CLPB: variants seen among roughly 807,000 people sequenced by gnomAD.
CLPB encodes the protein ClpB family mitochondrial disaggregase, also known as mitochondrial disaggregase.
A neutral mutation model predicts 78.4 loss-of-function variants in CLPB; 40 were observed. That is an observed-to-expected ratio of 0.51 (90% CI 0.40 to 0.66). CLPB has a LOEUF of 0.66. Among genes scored for constraint, CLPB ranks in the 30% least tolerant of loss-of-function variants. The probability of loss-of-function intolerance (pLI) is 0.00; values close to 1 mark genes in which losing one functional copy is unlikely to be tolerated. For synonymous variants in CLPB, 333 were observed against 348.0 expected (o/e 0.96, Z 0.48); for missense variants, 780 against 886.9 (o/e 0.88, Z 1.53).
chr11:72,385,075 C>T (rs1322395004), intron 3 of CLPB, among the ~76,000 whole-genome samples: 1 of 152,178 alleles, frequency 6.6e-6, no homozygotes, highest in Non-Finnish European at 1.5e-5. Flanking sequence ...ACATTCCATC[C>T]AACAGCAGTA....
intron 1 of CLPB, among the ~76,000 whole-genome samples, chr11:72,432,909 G>A (rs1016206890): frequency 1.9e-4 from 29 of 152,154 alleles, no homozygotes; most frequent in African/African-American, 7.0e-4. Flanking sequence ...GGGGTGCATG[G>A]AATCTATGGA....
At chr11:72,417,409 T>C (rs1305633991) in intron 2 of CLPB, among the ~76,000 whole-genome samples, 2 of 152,084 alleles carry the variant, frequency 1.3e-5, no homozygotes, top group East Asian at 1.9e-4. Context: ...AGAAAGCAGA[T>C]TAGTGGTTGC....
chr11:72,348,935 GATATATTAATCAA>G (rs749194929), intron 5 of CLPB, among the ~76,000 whole-genome samples: 4 of 152,206 alleles, frequency 2.6e-5, no homozygotes, highest in Non-Finnish European at 5.9e-5. Context: ...GTGAAGGAGA[GATATATTAATCAA>G]ATAACTATAG....
At chr11:72,385,660 T>C (rs1311338491) in intron 3 of CLPB, among the ~76,000 whole-genome samples, 1 of 152,104 alleles carries the variant, frequency 6.6e-6, no homozygotes, top group African/African-American at 2.4e-5. Flanking sequence ...CTGTCTCTAC[T>C]AAAAATACAA....
rs185678796 is a variant in CLPB at position 72,364,473 on chromosome 11, C to G, written c.647-5465G>C. ...CCACCTGCCTCAGCTTCCCAAAGTG[C>G]TGGGATTACAGGTGTGAGTCACTGC... On this transcript the variant is annotated intron_variant, in intron 4 of 15. Transcript: ENST00000538039. Among the ~76,000 whole-genome samples, 73 of 152,044 alleles carry G rather than the reference C, an allele frequency of 4.8e-4. No individual in the cohort carries two copies. In the East Asian group the frequency reaches 0.014, roughly 29 times the overall value.
Position 72,286,329 on chromosome 11 carries a change from C to G in CLPB, c.*7038G>C, listed in dbSNP as rs981175798. 9 of 148,876 alleles carry G rather than the reference C, an allele frequency of 6.0e-5. No homozygotes were observed. The highest frequency in any genetic ancestry group is 2.2e-4 in the African/African-American group (9 of 40,306). 9.2% of individuals were successfully genotyped at this position (148,876 alleles called of 1,614,324 possible). On this transcript the variant is annotated 3_prime_UTR_variant, in exon 16 of 16. Coordinates refer to ENST00000538039, the MANE Select transcript of CLPB (RefSeq NM_001258392.3). ...CACTGTAACCTCATACTCCTAGACT[C>G]AAGGAATCTTCCACCTCAGCCTCGA...
intron 2 of CLPB, among the ~76,000 whole-genome samples, chr11:72,404,782 G>A (rs1441156004): frequency 6.6e-6 from 1 of 152,138 alleles, no homozygotes; most frequent in Non-Finnish European, 1.5e-5. Context: ...TATGACTGGG[G>A]TACAACATGT....
intron 2 of CLPB, among the ~76,000 whole-genome samples, chr11:72,417,368 T>C (rs1409380046): frequency 6.6e-6 from 1 of 152,192 alleles, no homozygotes; most frequent in Non-Finnish European, 1.5e-5. Context: ...TCCATTTATA[T>C]GAAATGTTCA....
In CLPB at chr11:72,293,316, C is replaced by A; in HGVS notation, c.*51G>T. ...GGTAAGTCAGTTGCCATGCCACAGCCAAGGGGCCTTTATTGGATGGTGAGG... is the reference window on the plus strand; with the variant it reads ...GGTAAGTCAGTTGCCATGCCACAGCAAAGGGGCCTTTATTGGATGGTGAGG... On this transcript the variant is annotated 3_prime_UTR_variant, in exon 16 of 16. Transcript: ENST00000538039. The A allele has an allele frequency of 6.3e-7, 1 of 1,590,958 alleles. No individual in the cohort carries two copies. Among genetic ancestry groups the A allele is most frequent in the South Asian group, 1.1e-5 (1 of 87,758 alleles).
chr11:72,433,998 C>T, intron 1 of CLPB, 74 bp downstream of exon 1: 1 of 1,535,406 alleles, frequency 6.5e-7, no homozygotes, highest in Non-Finnish European at 8.8e-7. Context: ...ATAAGTACCT[C>T]CCACCCTCCT....
chr11:72,362,900 A>C (rs1045134219), intron 4 of CLPB, among the ~76,000 whole-genome samples: 11 of 152,218 alleles, frequency 7.2e-5, no homozygotes, highest in African/African-American at 2.7e-4. Context: ...TCACGCCTGT[A>C]ATCCCAGCAC....
chr11:72,399,991 T>G (rs191284546), intron 3 of CLPB, among the ~76,000 whole-genome samples: 21 of 152,328 alleles, frequency 1.4e-4, no homozygotes, highest in African/African-American at 4.8e-4. Context: ...ACCAATGTAC[T>G]CCTGGTACTC....
chr11:72,379,396 G>T (rs551107446), intron 4 of CLPB, among the ~76,000 whole-genome samples: 1 of 152,164 alleles, frequency 6.6e-6, no homozygotes, highest in African/African-American at 2.4e-5. Context: ...CTGGATAAAC[G>T]AAAGCTCAAA....
intron 2 of CLPB, among the ~76,000 whole-genome samples, chr11:72,415,259 C>T (rs1245820586): frequency 6.6e-6 from 1 of 152,244 alleles, no homozygotes; most frequent in Non-Finnish European, 1.5e-5. Context: ...AAGTAGCAGC[C>T]GGGGATGAAG....
At chr11:72,427,651 G>A (rs539977644) in intron 2 of CLPB, among the ~76,000 whole-genome samples, 63 of 152,264 alleles carry the variant, frequency 4.1e-4, no homozygotes, top group African/African-American at 1.2e-3. Flanking sequence ...GGGCAATAAC[G>A]TGCTATACAG....
In CLPB at chr11:72,289,537, T is replaced by G. The variant is rs80334675; in HGVS notation, c.*3830A>C. On this transcript the variant is annotated 3_prime_UTR_variant, in exon 16 of 16. Coordinates refer to ENST00000538039, the MANE Select transcript of CLPB (RefSeq NM_001258392.3). ...AATGGCAGTCGCAAACCCTATGGTATTGAATTAAAACCGTATCTAAACTCA... is the reference window on the plus strand; with the variant it reads ...AATGGCAGTCGCAAACCCTATGGTAGTGAATTAAAACCGTATCTAAACTCA... 1 of 152,164 alleles carries G rather than the reference T, an allele frequency of 6.6e-6. No homozygotes were observed. Among genetic ancestry groups the G allele is most frequent in the Non-Finnish European group, 1.5e-5 (1 of 68,030 alleles). 9.4% of individuals were successfully genotyped at this position (152,164 alleles called of 1,614,324 possible). A position where few individuals can be genotyped will look rare whatever the true frequency, so the allele number is the denominator to read the frequency against.
intron 7 of CLPB, among the ~76,000 whole-genome samples, 160 bp from the exon 8 acceptor site, chr11:72,308,764 C>T (rs747925951): frequency 6.6e-6 from 1 of 152,198 alleles, no homozygotes; most frequent in Non-Finnish European, 1.5e-5. Flanking sequence ...GATTAGCTGG[C>T]AAGGCCCCTA....
chr11:72,323,983 C>T (rs1950089052), intron 6 of CLPB, among the ~76,000 whole-genome samples: 1 of 151,654 alleles, frequency 6.6e-6, no homozygotes, highest in Non-Finnish European at 1.5e-5. Flanking sequence ...TATTTATGTA[C>T]ATAAATAATA....
At chr11:72,360,242 A>G (rs1356060608) in intron 4 of CLPB, among the ~76,000 whole-genome samples, 2 of 152,200 alleles carry the variant, frequency 1.3e-5, no homozygotes, top group Non-Finnish European at 1.5e-5. Context: ...CAGGATCTGC[A>G]GAGGACAGGT....
Sources: allele counts gnomAD v4.1 joint callset (sites outside exome capture counted in the v4.1 genomes callset), GRCh38; gene constraint gnomAD v4.1.1; transcripts MANE v1.5; gene names NCBI Gene and HGNC (gene_info 2026-07-23, HGNC 2026-07-21).